Variants in FOCAD observed in about 807,000 individuals in gnomAD.
FOCAD encodes KIAA1797.
FOCAD carries 198 observed loss-of-function variants against 225.6 expected under a neutral mutation model. The ratio of observed to expected loss-of-function variants is 0.88; its 90% CI spans 0.78 to 0.99. The LOEUF (loss-of-function observed/expected upper bound fraction) is 0.99, where lower values mean the gene tolerates loss of function less well. FOCAD is among the 50% of genes least tolerant of loss of function. The pLI is 0.00. For synonymous variants in FOCAD, 897 were observed against 755.0 expected (o/e 1.19, Z -3.08); for missense variants, 2,713 against 2,123.6 (o/e 1.28, Z -5.46).
intron 21 of FOCAD, among the ~76,000 whole-genome samples, chr9:20,892,657 TG>T (rs1313382591): frequency 3.4e-4 from 51 of 152,210 alleles, no homozygotes; most frequent in African/African-American, 1.1e-3. Flanking sequence ...AATCTACTCC[TG>T]GTGAAGATGC....
chr9:20,695,500 A>G (rs1344150872), intron 1 of FOCAD, among the ~76,000 whole-genome samples: 2 of 152,156 alleles, frequency 1.3e-5, no homozygotes, highest in Non-Finnish European at 2.9e-5. Flanking sequence ...GTTTCTTTTT[A>G]CAATACAATC....
chr9:20,709,911 C>T (rs966689447), intron 1 of FOCAD, among the ~76,000 whole-genome samples: 1 of 152,158 alleles, frequency 6.6e-6, no homozygotes, highest in African/African-American at 2.4e-5. Flanking sequence ...CACTGTTTTT[C>T]CACAGTGGCC....
intron 2 of FOCAD, among the ~76,000 whole-genome samples, chr9:20,670,723 T>C (rs1405187442): frequency 6.6e-6 from 1 of 152,040 alleles, no homozygotes; most frequent in African/African-American, 2.4e-5. Context: ...ATCATCTGTA[T>C]TTTATAATAA....
At chr9:20,673,732 A>G (rs1336818508) in intron 2 of FOCAD, among the ~76,000 whole-genome samples, 1 of 152,116 alleles carries the variant, frequency 6.6e-6, no homozygotes, top group Admixed American at 6.5e-5. Context: ...CCTCCCAGGT[A>G]GCTGGGACTA....
At chr9:20,988,510 G>A in intron 41 of FOCAD, 81 bp downstream of exon 41, 2 of 351,060 alleles carry the variant, frequency 5.7e-6, no homozygotes, top group South Asian at 4.2e-5. Flanking sequence ...TTGCGGTTTT[G>A]CCATTAATTG....
At chr9:20,868,926 T>G (rs1829523709) in intron 18 of FOCAD, among the ~76,000 whole-genome samples, 1 of 152,154 alleles carries the variant, frequency 6.6e-6, no homozygotes, top group African/African-American at 2.4e-5. Context: ...CTTCTTCTTT[T>G]CATTGATTGC....
At chr9:20,983,520 C>T (rs1466649146) in intron 39 of FOCAD, among the ~76,000 whole-genome samples, 2 of 144,238 alleles carry the variant, frequency 1.4e-5, no homozygotes, top group East Asian at 4.0e-4. Flanking sequence ...TGCAGTGAGC[C>T]GAGATCCCAC....
At chr9:20,655,788 C>G (rs1301771460), upstream of FOCAD, among the ~76,000 whole-genome samples, 1 of 151,996 alleles carries the variant, frequency 6.6e-6, no homozygotes, top group Non-Finnish European at 1.5e-5. Context: ...CAGTTCTGCT[C>G]TGATTTTAGT....
chr9:20,795,335 T>C (rs911813341), intron 11 of FOCAD, among the ~76,000 whole-genome samples: 5 of 152,254 alleles, frequency 3.3e-5, no homozygotes, highest in Admixed American at 2.0e-4. Flanking sequence ...CAGGTATTCC[T>C]GTTACCACAA....
At chr9:20,791,226 C>T (rs920212215) in intron 11 of FOCAD, among the ~76,000 whole-genome samples, 1 of 110,786 alleles carries the variant, frequency 9.0e-6, no homozygotes, top group Non-Finnish European at 1.9e-5. Context: ...CATGCACACA[C>T]ACACACACAC....
At position 20,986,482 on chromosome 9, in the gene FOCAD, G is replaced by T. The variant is rs777234567; in HGVS notation, c.4906+17G>T. The T allele has an allele frequency of 6.3e-7, 1 of 1,575,492 alleles. No individual in the cohort carries two copies. The highest frequency in any genetic ancestry group is 1.2e-5 in the South Asian group (1 of 85,818). On this transcript the variant is annotated intron_variant, in intron 40 of 43. Coordinates refer to ENST00000338382, the MANE Select transcript of FOCAD (RefSeq NM_001375567.1). ...CCAATACGGGTGAGGACACCCTGGG[G>T]TGAACATCAGAAACAGGAATAGATC...
chr9:20,758,858 C>G (rs1244220721), intron 6 of FOCAD, among the ~76,000 whole-genome samples: 1 of 152,138 alleles, frequency 6.6e-6, no homozygotes, highest in Non-Finnish European at 1.5e-5. Context: ...GATTGTATAT[C>G]TAGAAAACCC....
intron 8 of FOCAD, among the ~76,000 whole-genome samples, chr9:20,776,256 C>T (rs561225657): frequency 1.3e-5 from 2 of 152,292 alleles, no homozygotes; most frequent in South Asian, 2.1e-4. Context: ...CTTTAACTTC[C>T]TTGTACTTCT....
intron 2 of FOCAD, among the ~76,000 whole-genome samples, chr9:20,678,505 T>G (rs1822302370): frequency 6.6e-6 from 1 of 152,226 alleles, no homozygotes; most frequent in African/African-American, 2.4e-5. Context: ...CACTAAGTTC[T>G]GGGGTGGTGT....
intron 10 of FOCAD, among the ~76,000 whole-genome samples, chr9:20,786,685 G>T (rs1013517884): frequency 1.3e-5 from 2 of 151,990 alleles, no homozygotes; most frequent in Admixed American, 6.6e-5. Flanking sequence ...GACCTGTTTT[G>T]ACAAAGAAGT....
At chr9:20,994,469 G>A (rs1841912436) in intron 43 of FOCAD, among the ~76,000 whole-genome samples, 1 of 152,190 alleles carries the variant, frequency 6.6e-6, no homozygotes, top group Non-Finnish European at 1.5e-5. Context: ...TATCTGGTCA[G>A]CCTGGAGTCA....
intron 11 of FOCAD, among the ~76,000 whole-genome samples, chr9:20,797,523 G>C (rs1003369493): frequency 6.6e-6 from 1 of 152,002 alleles, no homozygotes; most frequent in African/African-American, 2.4e-5. Context: ...TCCTTGAAGA[G>C]GTCCTTCACA....
chr9:20,747,589 A>G (rs1051121141), intron 5 of FOCAD, among the ~76,000 whole-genome samples: 2 of 152,110 alleles, frequency 1.3e-5, no homozygotes, highest in Non-Finnish European at 2.9e-5. Flanking sequence ...GTTATCAGTC[A>G]TTCCCCAATA....
At chr9:20,795,697 T>G (rs1820997580) in intron 11 of FOCAD, among the ~76,000 whole-genome samples, 1 of 133,446 alleles carries the variant, frequency 7.5e-6, no homozygotes, top group African/African-American at 2.9e-5. Flanking sequence ...GGCAGGAGAA[T>G]GGCGTGAACC....
Sources: allele counts gnomAD v4.1 joint callset (sites outside exome capture counted in the v4.1 genomes callset), GRCh38; gene constraint gnomAD v4.1.1; transcripts MANE v1.5; gene names NCBI Gene and HGNC (gene_info 2026-07-23, HGNC 2026-07-21).